Variants in MMP15 observed in about 807,000 individuals in gnomAD.
The protein encoded by MMP15 is matrix metallopeptidase 15.
In MMP15, 36 loss-of-function variants were observed where a neutral mutation model predicts 65.0. The observed-to-expected ratio is 0.55, with a 90% CI of 0.42 to 0.73. The LOEUF is 0.73. Among genes scored for constraint, MMP15 ranks in the 30% least tolerant of loss-of-function variants. The probability of loss-of-function intolerance (pLI) is 0.00; values close to 1 mark genes in which losing one functional copy is unlikely to be tolerated. For missense variants in MMP15, 870 were observed against 987.8 expected, an observed-to-expected ratio of 0.88 and a Z score of 1.60; for synonymous variants, 428 against 410.2, an observed-to-expected ratio of 1.04 and a Z score of -0.52.
Position 58,045,617 on chromosome 16 carries a change from T to A in MMP15, c.*171T>A. 1.7e-6 allele frequency: 1 copy of A among 598,740 alleles called. No individual in the cohort carries two copies. The highest frequency in any genetic ancestry group is 2.9e-6 in the Non-Finnish European group (1 of 349,694). The allele number at this position is 598,740 out of a possible 1,614,324, so 37.1% of individuals were successfully genotyped here. ...TTGTTTTGTTTTGTTTTTGGCACCTTACTTGACCATTTGTTTCTGTTTCCC... is the reference window on the plus strand; with the variant it reads ...TTGTTTTGTTTTGTTTTTGGCACCTAACTTGACCATTTGTTTCTGTTTCCC... On this transcript the variant is annotated 3_prime_UTR_variant, in exon 10 of 10. Transcript: ENST00000219271.
At chr16:58,033,003 A>AGCTGGAAGG (rs2142324815) in intron 1 of MMP15, among the ~76,000 whole-genome samples, 1 of 109,170 alleles carries the variant, frequency 9.2e-6, no homozygotes, top group East Asian at 2.6e-4. Context: ...GTGCTGGAGG[A>AGCTGGAAGG]GCTGGAAGGG....
intron 3 of MMP15, among the ~76,000 whole-genome samples, 188 bp from the exon 4 acceptor site, chr16:58,039,687 T>G (rs1324071394): frequency 6.6e-6 from 1 of 152,274 alleles, no homozygotes; most frequent in African/African-American, 2.4e-5. Context: ...CAATGCAATC[T>G]TAATTTAATG....
At chr16:58,037,433 G>A (rs1416696409) in intron 1 of MMP15, 39 bp from the exon 2 acceptor site, 1 of 1,605,452 alleles carries the variant, frequency 6.2e-7, no homozygotes, top group Non-Finnish European at 8.5e-7. Flanking sequence ...GGAGGTAGCA[G>A]TGCCAGGACC....
intron 1 of MMP15, 134 bp from the exon 2 acceptor site, chr16:58,037,338 C>T: frequency 8.6e-7 from 1 of 1,157,626 alleles, no homozygotes; most frequent in South Asian, 1.5e-5. Flanking sequence ...CTCACACGGT[C>T]ACCTGGGCAG....
chr16:58,032,935 G>A lies in MMP15; in HGVS notation c.163-4537G>A, dbSNP rs1424452108. Among the ~76,000 whole-genome samples the A allele has an allele frequency of 2.0e-5, 3 of 152,206 alleles. No homozygotes were observed. The East Asian group carries it at 5.8e-4, about 29-fold the overall frequency. ...GAGCCCAGTGGAAAGTGTCCTTATC[G>A]CCTGGGGTCTGATAAGGGCCCCGGG... On this transcript the variant is annotated intron_variant, in intron 1 of 9. Transcript: ENST00000219271.
At chr16:58,028,918 T>C (rs1223858870) in intron 1 of MMP15, among the ~76,000 whole-genome samples, 1 of 152,226 alleles carries the variant, frequency 6.6e-6, no homozygotes, top group Non-Finnish European at 1.5e-5. Flanking sequence ...CCGGGCCAGA[T>C]CCCCACCTGG....
At chr16:58,041,537 G>A in intron 5 of MMP15, 80 bp from the exon 6 acceptor site, 1 of 1,463,084 alleles carries the variant, frequency 6.8e-7, no homozygotes, top group South Asian at 1.2e-5. Flanking sequence ...CCGCGTGGGT[G>A]GGCCTGTGCT....
rs1465946779 is a variant in MMP15, at chr16:58,040,626, T to G, written c.838T>G (p.Phe280Val). 1 of 1,614,170 alleles carries G rather than the reference T, an allele frequency of 6.2e-7. No individual in the cohort carries two copies. Among genetic ancestry groups the G allele is most frequent in the Admixed American group, 1.7e-5 (1 of 60,032 alleles). ...SSNPNAIMAPFYQWKDVDNFK... is the reference protein window; with the variant it reads ...SSNPNAIMAPVYQWKDVDNFK... ...CAACCCCAATGCCATCATGGCGCCG[T>G]TCTACCAGTGGAAGGACGTTGACAA... The change falls in exon 5 of 10, where the codon TTC becomes GTC. Residue 280 changes from phenylalanine to valine, a missense_variant. By Grantham distance (50) the Phe-to-Val change is conservative. Transcript: ENST00000219271.
intron 1 of MMP15, among the ~76,000 whole-genome samples, chr16:58,029,122 C>A (rs1051189794): frequency 2.6e-5 from 4 of 152,222 alleles, no homozygotes; most frequent in Non-Finnish European, 5.9e-5. Context: ...CCGATCCACC[C>A]GCCTTTCCTC....
intron 5 of MMP15, 128 bp downstream of exon 5, chr16:58,040,826 C>A: frequency 3.0e-6 from 4 of 1,351,218 alleles, no homozygotes; most frequent in Non-Finnish European, 4.2e-6. Context: ...TAGTGACTTG[C>A]CCACATCATT....
chr16:58,042,108 C>T, intron 6 of MMP15, 123 bp from the exon 7 acceptor site: 2 of 1,288,298 alleles, frequency 1.6e-6, no homozygotes. Context: ...CACTGCCTGC[C>T]TCAGTATCTC....
At position 58,045,544 on chromosome 16, in the gene MMP15, C is replaced by A; in HGVS notation, c.*98C>A. 1.1e-6 allele frequency: 1 copy of A among 931,756 alleles called. No homozygotes were observed. Among genetic ancestry groups the A allele is most frequent in the Non-Finnish European group, 1.6e-6 (1 of 639,582 alleles). The allele number at this position is 931,756 out of a possible 1,614,324, so 57.7% of individuals were successfully genotyped here. Reference sequence around the variant, plus strand: ...GCCCCCAGGTAGGGGCCCCTCTCAGCCCTCACACACCCTGTCTGCCCCGCC... The same window carrying A: ...GCCCCCAGGTAGGGGCCCCTCTCAGACCTCACACACCCTGTCTGCCCCGCC... On this transcript the variant is annotated 3_prime_UTR_variant, in exon 10 of 10. Coordinates refer to ENST00000219271, the MANE Select transcript of MMP15 (RefSeq NM_002428.4).
chr16:58,041,331 C>T (rs41390948), intron 5 of MMP15, among the ~76,000 whole-genome samples: 1,742 of 152,304 alleles, frequency 0.011, 19 homozygotes, highest in Non-Finnish European at 0.015. Context: ...GGCCTGGAGC[C>T]TCTGCTGGAG....
In MMP15 at chr16:58,043,308, AC is replaced by A. The variant is rs770337243; in HGVS notation, c.1403del (p.Thr468ArgfsTer52). ...GGGCATCCCCTATGACCGCATTGAC[AC>A]GGCCATCTGGTGGGAGCCCACAGGC... ...GLGIPYDRID[T>X]AIWWEPTGHT... On this transcript the variant is annotated frameshift_variant, in exon 8 of 10. Transcript: ENST00000219271. LOFTEE classifies it high-confidence loss of function. 1 of 1,605,754 alleles carries A rather than the reference AC, an allele frequency of 6.2e-7. No individual in the cohort carries two copies.
intron 1 of MMP15, among the ~76,000 whole-genome samples, chr16:58,029,654 G>GC (rs1333366700): frequency 6.6e-6 from 1 of 152,206 alleles, no homozygotes; most frequent in Non-Finnish European, 1.5e-5. Context: ...GCAGAGAACA[G>GC]CCCAGTGTAA....
At position 58,045,192 on chromosome 16, in the gene MMP15, G is replaced by C; in HGVS notation, c.1756G>C (p.Gly586Arg). ...CAACCCCCACGGGGGTGCAGAGCCC[G>C]GGGCGGACAGCGCAGAGGGCGACGT... ...PFNPHGGAEP[G>R]ADSAEGDVGD... The change falls in exon 10 of 10, where the codon GGG becomes CGG. Residue 586 changes from glycine (G) to arginine (R), a missense_variant. By Grantham distance (125) the Gly-to-Arg change is moderately radical. Coordinates refer to ENST00000219271, the MANE Select transcript of MMP15 (RefSeq NM_002428.4). 1 of 1,592,506 alleles carries C rather than the reference G, an allele frequency of 6.3e-7. No homozygotes were observed. The highest frequency in any genetic ancestry group is 8.5e-7 in the Non-Finnish European group (1 of 1,170,344).
intron 1 of MMP15, among the ~76,000 whole-genome samples, chr16:58,032,093 C>T (rs1251250068): frequency 1.3e-5 from 2 of 152,142 alleles, no homozygotes; most frequent in Admixed American, 1.3e-4. Context: ...TCTCAGTCTC[C>T]TGACCTCGTG....
intron 1 of MMP15, among the ~76,000 whole-genome samples, chr16:58,030,746 G>A (rs1006696057): frequency 3.3e-5 from 5 of 152,142 alleles, no homozygotes; most frequent in African/African-American, 1.2e-4. Flanking sequence ...TGCACAACAC[G>A]GTGGCCTACA....
rs1266024229 is a variant in MMP15 at position 58,026,150 on chromosome 16, T to C, written c.-201T>C. ...TCGGCCCCCTTTCCCGCCGGCTGGT[T>C]CCGAGCTCCCGGACCTGCCCTGCCC... On this transcript the variant is annotated 5_prime_UTR_variant, in exon 1 of 10. Transcript: ENST00000219271. 8.1e-6 allele frequency: 4 copies of C among 491,864 alleles called. No individual in the cohort carries two copies. Among genetic ancestry groups the C allele is most frequent in the East Asian group, 3.6e-5 (1 of 27,484 alleles). 30.5% of individuals were successfully genotyped at this position (491,864 alleles called of 1,614,324 possible).
Sources: allele counts gnomAD v4.1 joint callset (sites outside exome capture counted in the v4.1 genomes callset), GRCh38; gene constraint gnomAD v4.1.1; transcripts MANE v1.5; gene names NCBI Gene and HGNC (gene_info 2026-07-23, HGNC 2026-07-21).